SYNE2: variants seen among roughly 807,000 people sequenced by gnomAD.
SYNE2 encodes the protein nesprin-2.
A neutral mutation model predicts 856.3 loss-of-function variants in SYNE2; 431 were observed. That is an observed-to-expected ratio of 0.50 (90% CI 0.47 to 0.55). The LOEUF (loss-of-function observed/expected upper bound fraction) is 0.55, where lower values mean the gene tolerates loss of function less well. SYNE2 is among the 20% of genes least tolerant of loss of function. The probability of loss-of-function intolerance (pLI) is 0.00; values close to 1 mark genes in which losing one functional copy is unlikely to be tolerated. For synonymous variants in SYNE2, 2,923 were observed against 2,872.3 expected, an observed-to-expected ratio of 1.02 and a Z score of -0.56; for missense variants, 8,129 against 8,023.2, an observed-to-expected ratio of 1.01 and a Z score of -0.50.
Position 63,996,998 on chromosome 14 carries a change from G to T in SYNE2, c.2992G>T (p.Val998Phe), listed in dbSNP as rs773933881. The T allele has an allele frequency of 6.2e-7, 1 of 1,614,130 alleles. No individual in the cohort carries two copies. Among genetic ancestry groups the T allele is most frequent in the South Asian group, 1.1e-5 (1 of 91,076 alleles). Reference protein sequence around the residue: ...CLYQLNHHMEVLRELCEELPS... With the variant: ...CLYQLNHHMEFLRELCEELPS... ...GTACCAGCTTAATCACCACATGGAA[G>T]TCCTGAGGGAGCTGTGTGAAGAGCT... Residue 998 changes from valine (V) to phenylalanine (F), a missense_variant, in exon 24 of 116, where the codon GTC becomes TTC. Coordinates refer to ENST00000555002, the MANE Select transcript of SYNE2 (RefSeq NM_182914.3).
chr14:63,812,129 GT>G (rs1888636602), intron 1 of SYNE2, among the ~76,000 whole-genome samples: 1 of 152,136 alleles, frequency 6.6e-6, no homozygotes. Flanking sequence ...AGACCAGGGT[GT>G]ATTTCAGTCC....
intron 65 of SYNE2, among the ~76,000 whole-genome samples, chr14:64,109,243 C>G (rs2097790157): frequency 6.6e-6 from 1 of 150,560 alleles, no homozygotes; most frequent in African/African-American, 2.4e-5. Context: ...AGGGTCTTTT[C>G]CCTGGCCATG....
At chr14:63,877,070 C>T (rs2094741608) in intron 1 of SYNE2, among the ~76,000 whole-genome samples, 1 of 152,054 alleles carries the variant, frequency 6.6e-6, no homozygotes, top group South Asian at 2.1e-4. Flanking sequence ...ATTGATTTTC[C>T]CTTGGGATAA....
intron 1 of SYNE2, among the ~76,000 whole-genome samples, chr14:63,788,804 T>G (rs1887633656): frequency 6.6e-6 from 1 of 151,664 alleles, no homozygotes; most frequent in Non-Finnish European, 1.5e-5. Flanking sequence ...CAATATGGAG[T>G]TTCCCCCAGA....
At chr14:63,840,939 G>C (rs368216976) in intron 1 of SYNE2, among the ~76,000 whole-genome samples, 2 of 152,180 alleles carry the variant, frequency 1.3e-5, no homozygotes, top group South Asian at 4.1e-4. Flanking sequence ...GCTTGAACCC[G>C]GGAGGCAGAG....
At chr14:63,974,890 GTGTATATA>G (rs1237273999) in intron 11 of SYNE2, among the ~76,000 whole-genome samples, 19 of 27,506 alleles carry the variant, frequency 6.9e-4, no homozygotes, top group African/African-American at 1.1e-3. Context: ...GTGTGTGTGT[GTGTATATA>G]TATATATATA....
At chr14:63,928,138 G>A (rs2095695193) in intron 2 of SYNE2, among the ~76,000 whole-genome samples, 1 of 152,062 alleles carries the variant, frequency 6.6e-6, no homozygotes, top group Admixed American at 6.5e-5. Flanking sequence ...CTATGAGGGG[G>A]CAAATTTGGC....
chr14:64,022,753 C>G lies in SYNE2; in HGVS notation c.5527C>G (p.Gln1843Glu). ...QDHFSKLLNDQCKNFNDWFSN... is the reference protein window; with the variant it reads ...QDHFSKLLNDECKNFNDWFSN... ...GAGCTTTTTTTTTCCCCCTGCAGATCAATGCAAGAACTTTAATGACTGGTT... is the reference window on the plus strand; with the variant it reads ...GAGCTTTTTTTTTCCCCCTGCAGATGAATGCAAGAACTTTAATGACTGGTT... Residue 1843 changes from glutamine to glutamate, a missense_variant and splice_region_variant, in exon 38 of 116, where the codon CAA becomes GAA. Physicochemically the swap from Gln to Glu is conservative, Grantham distance 29. Coordinates refer to ENST00000555002, the MANE Select transcript of SYNE2 (RefSeq NM_182914.3). The G allele has an allele frequency of 1.9e-6, 3 of 1,541,902 alleles. No individual in the cohort carries two copies. Among genetic ancestry groups the G allele is most frequent in the Non-Finnish European group, 2.7e-6 (3 of 1,116,154 alleles).
In SYNE2 at chr14:64,225,943, CAT is replaced by C; in HGVS notation, c.*419_*420del. 1 of 371,006 alleles carries C rather than the reference CAT, an allele frequency of 2.7e-6. No individual in the cohort carries two copies. Among genetic ancestry groups the C allele is most frequent in the Non-Finnish European group, 4.9e-6 (1 of 203,022 alleles). 23.0% of individuals were successfully genotyped at this position (371,006 alleles called of 1,614,324 possible). A position where few individuals can be genotyped will look rare whatever the true frequency, so the allele number is the denominator to read the frequency against. ...CCACCCTAGAAATGGTTCAGAAACT[CAT>C]AGGCACCCTTAGCTGATGGAAACAA... On this transcript the variant is annotated 3_prime_UTR_variant, in exon 116 of 116. Transcript: ENST00000555002.
At chr14:63,822,232 A>C (rs1315140270) in intron 1 of SYNE2, among the ~76,000 whole-genome samples, 1 of 148,356 alleles carries the variant, frequency 6.7e-6, no homozygotes, top group African/African-American at 2.5e-5. Context: ...AAAAACAAAC[A>C]AAAAAAAAAA....
At chr14:63,893,149 T>A (rs1014954897) in intron 1 of SYNE2, among the ~76,000 whole-genome samples, 1 of 152,028 alleles carries the variant, frequency 6.6e-6, no homozygotes, top group Non-Finnish European at 1.5e-5. Context: ...CAGACACCCA[T>A]TCTTCATTTC....
At chr14:64,067,806 T>C (rs1253023753) in intron 51 of SYNE2, among the ~76,000 whole-genome samples, 1 of 152,254 alleles carries the variant, frequency 6.6e-6, no homozygotes, top group Non-Finnish European at 1.5e-5. Context: ...AGAATCATCA[T>C]TTTATGCTTC....
rs150799538 is a variant in SYNE2, at chr14:63,811,798, T to C, written c.-304-40703T>C. Among the ~76,000 whole-genome samples, 1,404 of 152,180 alleles carry C rather than the reference T, an allele frequency of 9.2e-3. 8 individuals carry two copies. Among genetic ancestry groups the C allele is most frequent in the Non-Finnish European group, 0.015 (1,044 of 67,992 alleles). On this transcript the variant is annotated intron_variant, in intron 1 of 23. Coordinates refer to the SYNE2 transcript ENST00000674003. Reference sequence around the variant, plus strand: ...TGAGCCACAAAACCAGCAGGTTTTATTAAGGATTTTAAAAGGGGAGGGGTT... The same window carrying C: ...TGAGCCACAAAACCAGCAGGTTTTACTAAGGATTTTAAAAGGGGAGGGGTT...
chr14:63,943,898 T>C (rs2095970572), intron 6 of SYNE2, among the ~76,000 whole-genome samples: 1 of 151,910 alleles, frequency 6.6e-6, no homozygotes, highest in South Asian at 2.1e-4. Flanking sequence ...ATTGAACTCC[T>C]GACCTTGTGA....
At chr14:64,220,386 C>T (rs750458724) in intron 110 of SYNE2, 51 bp from the exon 111 acceptor site, 4 of 1,602,332 alleles carry the variant, frequency 2.5e-6, no homozygotes, top group Non-Finnish European at 3.4e-6. Context: ...AAAATGAGCC[C>T]CTCCTCCCTA....
At chr14:63,970,755 C>T (rs867284279) in intron 11 of SYNE2, among the ~76,000 whole-genome samples, 54 of 146,292 alleles carry the variant, frequency 3.7e-4, no homozygotes, top group Non-Finnish European at 6.5e-4. Flanking sequence ...CGGGTTCGAG[C>T]GATTCTCCTG....
At chr14:64,006,135 G>T (rs1043972553) in intron 30 of SYNE2, among the ~76,000 whole-genome samples, 2 of 152,192 alleles carry the variant, frequency 1.3e-5, no homozygotes, top group Non-Finnish European at 2.9e-5. Context: ...GTGAATTGAA[G>T]AGAAAATTGG....
rs61744386 is a variant in SYNE2 at position 64,052,545 on chromosome 14, G to A, written c.8632G>A (p.Glu2878Lys). Residue 2878 changes from glutamate to lysine, a missense_variant, in exon 48 of 116, where the codon GAG (glutamate) becomes AAG (lysine). Coordinates refer to ENST00000555002, the MANE Select transcript of SYNE2 (RefSeq NM_182914.3). ...AELKHHHVTL[E>K]ASQKELQEID... is the part of the protein sequence containing the mutation. ...ACTAAAACATCACCATGTTACTTTGGAGGCATCTCAGAAGGAATTGCAAGA... is the reference window on the plus strand; with the variant it reads ...ACTAAAACATCACCATGTTACTTTGAAGGCATCTCAGAAGGAATTGCAAGA... The A allele has an allele frequency of 3.3e-5, 54 of 1,614,144 alleles. No homozygotes were observed. In the African/African-American group the frequency reaches 6.7e-4, roughly 20 times the overall value.
At position 64,169,648 on chromosome 14, in the gene SYNE2, C is replaced by A. The variant is rs575710820; in HGVS notation, c.17001-580C>A. Among the ~76,000 whole-genome samples, 15 of 152,318 alleles carry A rather than the reference C, an allele frequency of 9.8e-5. 1 individual carries two copies. The highest frequency in any genetic ancestry group is 3.6e-4 in the African/African-American group (15 of 41,576). Reference sequence around the variant, plus strand: ...TTCAGCATAACTAAGAAATGTAAAGCCCTTTTCTCCCTAGCTCTGAAGCAG... The same window carrying A: ...TTCAGCATAACTAAGAAATGTAAAGACCTTTTCTCCCTAGCTCTGAAGCAG... On this transcript the variant is annotated intron_variant, in intron 93 of 115. Coordinates refer to ENST00000555002, the MANE Select transcript of SYNE2 (RefSeq NM_182914.3).
Sources: gnomAD v4.1 joint callset for allele counts (sites outside exome capture counted in the v4.1 genomes callset) on GRCh38, gnomAD v4.1.1 for gene constraint, MANE v1.5 for transcripts, NCBI Gene and HGNC (gene_info 2026-07-23, HGNC 2026-07-21) for gene names.